Variants in ZMAT4 observed in about 807,000 individuals in gnomAD.
ZMAT4 encodes zinc finger matrin-type 4, also known as zinc finger matrin-type protein 4.
ZMAT4 carries 17 observed loss-of-function variants against 28.7 expected under a neutral mutation model. The observed-to-expected ratio is 0.59, with a 90% CI of 0.41 to 0.89. The LOEUF (loss-of-function observed/expected upper bound fraction) is 0.89. Among genes scored for constraint, ZMAT4 ranks in the 40% least tolerant of loss-of-function variants. ZMAT4 has a pLI of 0.00. For missense variants in ZMAT4, 240 were observed against 283.8 expected, an observed-to-expected ratio of 0.85 and a Z score of 1.11; for synonymous variants, 117 against 109.2, an observed-to-expected ratio of 1.07 and a Z score of -0.44.
At chr8:40,754,850 T>C (rs1812610179) in intron 3 of ZMAT4, among the ~76,000 whole-genome samples, 1 of 152,100 alleles carries the variant, frequency 6.6e-6, no homozygotes, top group African/African-American at 2.4e-5. Flanking sequence ...TTGTATCAAC[T>C]AAAAAATTTT....
At chr8:40,618,198 G>A (rs1806080205) in intron 5 of ZMAT4, among the ~76,000 whole-genome samples, 1 of 152,148 alleles carries the variant, frequency 6.6e-6, no homozygotes, top group Admixed American at 6.5e-5. Context: ...ATATTTAGAG[G>A]AACTTTAAAA....
intron 3 of ZMAT4, 84 bp from the exon 4 acceptor site, chr8:40,697,485 T>C (rs937459375): frequency 2.3e-6 from 3 of 1,276,684 alleles, no homozygotes; most frequent in Admixed American, 6.9e-5. Context: ...CGAACTAGTG[T>C]ATTGAAATAT....
chr8:40,742,981 G>A (rs555469323), intron 3 of ZMAT4, among the ~76,000 whole-genome samples: 1 of 152,192 alleles, frequency 6.6e-6, no homozygotes, highest in African/African-American at 2.4e-5. Flanking sequence ...GGAGGCTGAG[G>A]CAAGTGGGTC....
At chr8:40,797,113 T>C (rs1814631820) in intron 2 of ZMAT4, among the ~76,000 whole-genome samples, 1 of 151,932 alleles carries the variant, frequency 6.6e-6, no homozygotes, top group African/African-American at 2.4e-5. Context: ...CCACCTGGAG[T>C]GTCCTTTTCC....
intron 1 of ZMAT4, among the ~76,000 whole-genome samples, chr8:40,850,494 T>C (rs915395067): frequency 1.3e-5 from 2 of 152,164 alleles, no homozygotes; most frequent in Non-Finnish European, 2.9e-5. Flanking sequence ...TGTTTATGTG[T>C]TTTTGTCTAA....
intron 1 of ZMAT4, among the ~76,000 whole-genome samples, chr8:40,846,801 C>T (rs1340247903): frequency 2.6e-5 from 4 of 152,250 alleles, no homozygotes; most frequent in African/African-American, 7.2e-5. Context: ...CAATGTTTAA[C>T]GGCAGGAGGA....
chr8:40,685,143 G>T (rs1453732480), intron 4 of ZMAT4, among the ~76,000 whole-genome samples: 4 of 152,010 alleles, frequency 2.6e-5, no homozygotes, highest in Admixed American at 2.6e-4. Context: ...TTCTGAGTCA[G>T]TCTATGAAAT....
chr8:40,827,426 A>G (rs763694358), intron 1 of ZMAT4, among the ~76,000 whole-genome samples: 1 of 152,194 alleles, frequency 6.6e-6, no homozygotes, highest in Non-Finnish European at 1.5e-5. Context: ...TGTAAAGTAA[A>G]GTGAACTGTG....
chr8:40,722,820 G>A (rs538708849), intron 3 of ZMAT4, among the ~76,000 whole-genome samples: 4 of 152,218 alleles, frequency 2.6e-5, no homozygotes, highest in South Asian at 4.1e-4. Context: ...ATCAGACACC[G>A]GGTGATAAGT....
At chr8:40,702,306 G>T (rs1810183735) in intron 3 of ZMAT4, among the ~76,000 whole-genome samples, 1 of 152,048 alleles carries the variant, frequency 6.6e-6, no homozygotes, top group African/African-American at 2.4e-5. Context: ...TATAGCCCGG[G>T]GTAGAAACTC....
chr8:40,645,727 C>A (rs1161824317), intron 5 of ZMAT4, among the ~76,000 whole-genome samples: 1 of 152,216 alleles, frequency 6.6e-6, no homozygotes, highest in African/African-American at 2.4e-5. Flanking sequence ...GAGCTAAATA[C>A]AACTGAGTGA....
intron 3 of ZMAT4, among the ~76,000 whole-genome samples, chr8:40,730,102 A>C (rs1286928620): frequency 6.6e-6 from 1 of 152,234 alleles, no homozygotes; most frequent in East Asian, 1.9e-4. Context: ...ATCCATAATA[A>C]TAGAAATGTA....
chr8:40,537,130 G>A (rs973723879), intron 6 of ZMAT4, among the ~76,000 whole-genome samples: 2 of 152,104 alleles, frequency 1.3e-5, no homozygotes, highest in African/African-American at 2.4e-5. Flanking sequence ...GCACTCAAAT[G>A]TACAGGGGAG....
rs1344426458 is a variant in ZMAT4 at position 40,719,266 on chromosome 8, C to T, written c.193-21865G>A. ...CCAGCCTGGCCAACATAGTAAAACC[C>T]TGTCTCTACTAAAAATACACAAAAA... On this transcript the variant is annotated intron_variant, in intron 3 of 6. Transcript: ENST00000297737. 2.0e-5 allele frequency among the ~76,000 whole-genome samples: 3 copies of T among 151,948 alleles called. No homozygotes were observed. The East Asian group carries it at 5.8e-4, about 29-fold the overall frequency.
intron 2 of ZMAT4, among the ~76,000 whole-genome samples, chr8:40,804,668 G>A (rs961332967): frequency 1.3e-5 from 2 of 151,776 alleles, no homozygotes; most frequent in African/African-American, 4.8e-5. Context: ...GGAGAAACCA[G>A]GTCTCTCTGC....
chr8:40,746,295 T>TCCC (rs1257722134), intron 3 of ZMAT4, among the ~76,000 whole-genome samples: 7 of 32,402 alleles, frequency 2.2e-4, no homozygotes, highest in Non-Finnish European at 3.5e-4. Context: ...CTTTTCTTTC[T>TCCC]TTCTCCCTTC....
intron 6 of ZMAT4, among the ~76,000 whole-genome samples, chr8:40,561,817 A>G (rs1471238492): frequency 6.6e-6 from 1 of 152,126 alleles, no homozygotes; most frequent in Admixed American, 6.6e-5. Context: ...GTGTTCGTGT[A>G]TTTTATGTAT....
At chr8:40,645,505 A>C (rs905746516) in intron 5 of ZMAT4, among the ~76,000 whole-genome samples, 1 of 152,212 alleles carries the variant, frequency 6.6e-6, no homozygotes, top group Non-Finnish European at 1.5e-5. Flanking sequence ...CTTTATTTGA[A>C]TAAACATTTG....
chr8:40,545,928 AC>A (rs990525651), intron 6 of ZMAT4, among the ~76,000 whole-genome samples: 1 of 136,168 alleles, frequency 7.3e-6, no homozygotes, highest in African/African-American at 2.9e-5. Flanking sequence ...TGAAATGCTG[AC>A]CCCCTCACCC....
Sources: allele counts gnomAD v4.1 joint callset (sites outside exome capture counted in the v4.1 genomes callset), GRCh38; gene constraint gnomAD v4.1.1; transcripts MANE v1.5; gene names NCBI Gene and HGNC (gene_info 2026-07-23, HGNC 2026-07-21).